Variants in CHERP observed in about 807,000 individuals in gnomAD.
CHERP encodes the protein calcium homeostasis endoplasmic reticulum protein.
Under a neutral mutation model 113.8 loss-of-function variants are expected in CHERP, and 8 were observed. The observed-to-expected ratio is 0.07, with a 90% CI of 0.04 to 0.13. The LOEUF is 0.13. Ranked by LOEUF, CHERP falls within the 10% of genes least tolerant of loss-of-function variation. CHERP has a pLI of 1.00. For synonymous variants in CHERP, 559 were observed against 524.5 expected, an observed-to-expected ratio of 1.07 and a Z score of -0.90; for missense variants, 884 against 1,298.2, an observed-to-expected ratio of 0.68 and a Z score of 4.90.
chr19:16,530,342 T>C lies in CHERP; in HGVS notation c.876+243A>G, dbSNP rs2085691652. ...CCTGACCACCAGAGCAAATGGGCCA[T>C]GTGCAATGACTCCGAAAGGCCGCCT... On this transcript the variant is annotated intron_variant, in intron 7 of 16. Transcript: ENST00000546361. This position sits in a 1 kb window ranked among gnomAD's most constrained non-coding sequence, Gnocchi z 4.1. Among the ~76,000 whole-genome samples the C allele has an allele frequency of 6.6e-6, 1 of 152,160 alleles. No homozygotes were observed. Among genetic ancestry groups the C allele is most frequent in the Non-Finnish European group, 1.5e-5 (1 of 68,014 alleles).
At position 16,520,478 on chromosome 19, in the gene CHERP, T is replaced by C; in HGVS notation, c.2231A>G (p.Lys744Arg). 1 of 1,614,012 alleles carries C rather than the reference T, an allele frequency of 6.2e-7. No homozygotes were observed. Among genetic ancestry groups the C allele is most frequent in the Admixed American group, 1.7e-5 (1 of 60,008 alleles). ...GCGGGAGGAAGAACGCCCTCGACTCTTGGATCTGCTCCGAGACCTCGAGGG... is the reference window on the plus strand; with the variant it reads ...GCGGGAGGAAGAACGCCCTCGACTCCTGGATCTGCTCCGAGACCTCGAGGG... ...SGPSRSRSRS[K>R]SRGRSSSRSN... The change falls in exon 14 of 17, where the codon AAG (lysine) becomes AGG (arginine). Residue 744 changes from lysine (K) to arginine (R), a missense_variant. Lys to Arg is a conservative substitution (Grantham distance 26, BLOSUM62 2). This residue lies in a region of CHERP where 159 missense variants were observed against 185.8 expected (regional missense o/e 0.86). Coordinates refer to ENST00000546361, the MANE Select transcript of CHERP (RefSeq NM_006387.6). The surrounding 1 kb of genome is among the most constrained non-coding windows in gnomAD (Gnocchi z 4.0).
intron 3 of CHERP, among the ~76,000 whole-genome samples, chr19:16,534,056 TC>T (rs4021795): frequency 0.33 from 47,043 of 144,592 alleles, 9,096 homozygotes; most frequent in African/African-American, 0.53. Flanking sequence ...TCTTTTCTTT[TC>T]TTTTTTTTTT....
At chr19:16,540,583 G>A (rs1310209819) in intron 2 of CHERP, among the ~76,000 whole-genome samples, 1 of 150,840 alleles carries the variant, frequency 6.6e-6, no homozygotes, top group Non-Finnish European at 1.5e-5. Flanking sequence ...ATGTTAGCCA[G>A]GCTGTTCTCA....
intron 2 of CHERP, among the ~76,000 whole-genome samples, chr19:16,537,939 A>C (rs571405119): frequency 6.0e-4 from 92 of 152,326 alleles, no homozygotes; most frequent in African/African-American, 2.2e-3. Flanking sequence ...CACACACAAC[A>C]GGTTAGAAAC....
rs2085783167 is a variant in CHERP, at chr19:16,541,973, C to G, written c.96G>C (p.Lys32Asn). 1.2e-6 allele frequency: 2 copies of G among 1,614,036 alleles called. No homozygotes were observed. The highest frequency in any genetic ancestry group is 1.3e-5 in the African/African-American group (1 of 74,938). ...FVARNGPEFE[K>N]MTMEKQKDNP... ...TGTCCTTCTGCTTCTCCATAGTCAT[C>G]TTCTCAAACTCGGGCCCATTGCGAG... Residue 32 changes from lysine (K) to asparagine (N), a missense_variant, in exon 2 of 17, where the codon AAG (lysine) becomes AAC (asparagine). Physicochemically the swap from Lys to Asn is moderately conservative, Grantham distance 94 (BLOSUM62 0). This residue lies in a region of CHERP where 17 missense variants were observed against 50.8 expected (regional missense o/e 0.33). Coordinates refer to ENST00000546361, the MANE Select transcript of CHERP (RefSeq NM_006387.6).
chr19:16,533,166 T>C lies in CHERP; in HGVS notation c.385-18A>G. The C allele has an allele frequency of 6.4e-7, 1 of 1,571,182 alleles. No homozygotes were observed. Among genetic ancestry groups the C allele is most frequent in the Non-Finnish European group, 8.6e-7 (1 of 1,159,610 alleles). On this transcript the variant is annotated intron_variant, in intron 3 of 16. Transcript: ENST00000546361. ...ACTTGCTCCTGCGGGCGGGGGTCGG[T>C]GGGGTCGAGAACACATGAGGAGGGA...
At chr19:16,529,270 G>A (rs2085679084) in intron 8 of CHERP, among the ~76,000 whole-genome samples, 1 of 152,146 alleles carries the variant, frequency 6.6e-6, no homozygotes, top group Non-Finnish European at 1.5e-5. Context: ...TGCCCATCTT[G>A]GCCTCCCAAA....
intron 8 of CHERP, among the ~76,000 whole-genome samples, chr19:16,528,632 ATCT>A (rs1317789645): frequency 3.3e-5 from 5 of 152,238 alleles, no homozygotes; most frequent in South Asian, 4.2e-4. Flanking sequence ...CCTACAACAA[ATCT>A]TCTTTGATCA....
rs1443318171 is a variant in CHERP at position 16,525,549 on chromosome 19, C to T, written c.1434G>A (p.Ala478=). 3 of 1,543,022 alleles carry T rather than the reference C, an allele frequency of 1.9e-6. No individual in the cohort carries two copies. Among genetic ancestry groups the T allele is most frequent in the East Asian group, 2.4e-5 (1 of 41,020 alleles). Residue 478 remains alanine, a synonymous_variant, in exon 10 of 17, where the codon GCG becomes GCA. Coordinates refer to ENST00000546361, the MANE Select transcript of CHERP (RefSeq NM_006387.6). This position sits in a 1 kb window ranked among gnomAD's most constrained non-coding sequence, Gnocchi z 6.5. ...GDPGWNGQRD[A]PWNNQPDAAW... Reference sequence around the variant, plus strand: ...CGGCGTCGGGCTGGTTGTTCCAGGGCGCGTCGCGCTGGCCGTTCCAGCCGG... The same window carrying T: ...CGGCGTCGGGCTGGTTGTTCCAGGGTGCGTCGCGCTGGCCGTTCCAGCCGG...
At chr19:16,540,826 T>G (rs933554600) in intron 2 of CHERP, among the ~76,000 whole-genome samples, 2 of 151,826 alleles carry the variant, frequency 1.3e-5, no homozygotes, top group Non-Finnish European at 2.9e-5. Flanking sequence ...GCCTCCCAAG[T>G]AGCTGGGACT....
Position 16,523,939 on chromosome 19 carries a change from T to C in CHERP, c.1742-649A>G, listed in dbSNP as rs1443631662. 2.0e-5 allele frequency among the ~76,000 whole-genome samples: 3 copies of C among 152,216 alleles called. No homozygotes were observed. Among genetic ancestry groups the C allele is most frequent in the Non-Finnish European group, 2.9e-5 (2 of 68,032 alleles). On this transcript the variant is annotated intron_variant, in intron 10 of 16. Transcript: ENST00000546361. This position sits in a 1 kb window ranked among gnomAD's most constrained non-coding sequence, Gnocchi z 4.0. ...TGTGCCAAGCGGTCTTCAAGCTGCA[T>C]TTATAATCAGAAATGTATTTAAAGA... is the stretch of plus-strand genomic sequence containing the variant.
At chr19:16,542,112 C>T (rs1193670660) in intron 1 of CHERP, 69 bp from the exon 2 acceptor site, 3 of 1,509,132 alleles carry the variant, frequency 2.0e-6, no homozygotes, top group Non-Finnish European at 2.7e-6. Context: ...ACTCGGCGCC[C>T]CAGCCCCCGT....
chr19:16,538,617 A>T (rs1437209568), intron 2 of CHERP, among the ~76,000 whole-genome samples: 2 of 152,088 alleles, frequency 1.3e-5, no homozygotes, highest in Non-Finnish European at 2.9e-5. Flanking sequence ...TGGGAGGCAG[A>T]GGTTGCAGTG....
At chr19:16,529,470 A>G (rs906089756) in intron 8 of CHERP, among the ~76,000 whole-genome samples, 178 bp downstream of exon 8, 2 of 152,020 alleles carry the variant, frequency 1.3e-5, no homozygotes, top group African/African-American at 4.8e-5. Flanking sequence ...TTGTAGTTTT[A>G]CTCTAGGATC....
chr19:16,536,818 C>A (rs1599754768), intron 2 of CHERP, among the ~76,000 whole-genome samples: 1 of 152,322 alleles, frequency 6.6e-6, no homozygotes, highest in South Asian at 2.1e-4. Flanking sequence ...GAGTTCGAGA[C>A]CAGCCTGGCC....
At chr19:16,531,088 G>A (rs1031051135) in intron 5 of CHERP, among the ~76,000 whole-genome samples, 1 of 152,210 alleles carries the variant, frequency 6.6e-6, no homozygotes, top group African/African-American at 2.4e-5. Flanking sequence ...AAGCAGGGGA[G>A]GGAGAGAACG....
Position 16,518,845 on chromosome 19 carries a change from T to C in CHERP, c.*314A>G, listed in dbSNP as rs181417043. 1.6e-5 allele frequency: 6 copies of C among 364,556 alleles called. No individual in the cohort carries two copies. The highest frequency in any genetic ancestry group is 1.3e-4 in the African/African-American group (6 of 46,472). 22.6% of individuals were successfully genotyped at this position (364,556 alleles called of 1,614,324 possible). On this transcript the variant is annotated 3_prime_UTR_variant, in exon 17 of 17. Transcript: ENST00000546361. ...CTGACTTAGGGCAGATGCACATCCA[T>C]CCCTTCGTGGCTGAAGAATTTACTC...
intron 2 of CHERP, among the ~76,000 whole-genome samples, chr19:16,536,889 G>A (rs2085744709): frequency 6.6e-6 from 1 of 152,186 alleles, no homozygotes; most frequent in Non-Finnish European, 1.5e-5. Flanking sequence ...GCGGGCACCT[G>A]TAATCCCAGC....
In CHERP at chr19:16,529,826, G is replaced by A. The variant is rs747054724; in HGVS notation, c.951C>T (p.Leu317=). The A allele has an allele frequency of 1.2e-6, 2 of 1,613,814 alleles. No homozygotes were observed. Among genetic ancestry groups the A allele is most frequent in the South Asian group, 2.2e-5 (2 of 91,088 alleles). The change falls in exon 8 of 17, where the codon CTC becomes CTT. Residue 317 remains leucine, a synonymous_variant. Coordinates refer to ENST00000546361, the MANE Select transcript of CHERP (RefSeq NM_006387.6). ...TGACAAACTCCTCGTGCTGCGTCTTGAGGGTCTGGATCTGCTGCTGGAAGG... is the reference window on the plus strand; with the variant it reads ...TGACAAACTCCTCGTGCTGCGTCTTAAGGGTCTGGATCTGCTGCTGGAAGG... ...QLAFQQQIQT[L]KTQHEEFVTS...
Sources: allele counts gnomAD v4.1 joint callset (sites outside exome capture counted in the v4.1 genomes callset), GRCh38; gene constraint gnomAD v4.1.1; regional missense constraint gnomAD v4.1.1; non-coding constraint Gnocchi (gnomAD v3.1); transcripts MANE v1.5; gene names NCBI Gene and HGNC (gene_info 2026-07-23, HGNC 2026-07-21).